Variants in HECW1 observed in about 807,000 individuals in gnomAD.
The protein encoded by HECW1 is HECT, C2 and WW domain containing E3 ubiquitin protein ligase 1, also known as E3 ubiquitin-protein ligase HECW1.
Under a neutral mutation model 182.3 loss-of-function variants are expected in HECW1, and 61 were observed. The observed-to-expected ratio is 0.33, with a 90% confidence interval of 0.27 to 0.41. The LOEUF (loss-of-function observed/expected upper bound fraction) is 0.41. Ranked by LOEUF, HECW1 falls within the 10% of genes least tolerant of loss-of-function variation. HECW1 has a pLI of 1.00. For missense variants in HECW1, 1,739 were observed against 2,108.9 expected (o/e 0.82, Z 3.44); for synonymous variants, 859 against 832.6 (o/e 1.03, Z -0.55).
chr7:43,478,372 C>A (rs139633820), intron 16 of HECW1, among the ~76,000 whole-genome samples: 1 of 152,048 alleles, frequency 6.6e-6, no homozygotes, highest in Non-Finnish European at 1.5e-5. Flanking sequence ...GCTGAGATCG[C>A]GCCACTGCAC....
chr7:43,231,988 C>T (rs1174241298), intron 2 of HECW1, among the ~76,000 whole-genome samples: 1 of 140,516 alleles, frequency 7.1e-6, no homozygotes, highest in East Asian at 2.1e-4. Flanking sequence ...CACCACTGCA[C>T]TCCAGCCTGG....
At chr7:43,540,980 A>G (rs1334382698) in intron 24 of HECW1, among the ~76,000 whole-genome samples, 183 bp from the exon 25 acceptor site, 1 of 152,264 alleles carries the variant, frequency 6.6e-6, no homozygotes, top group Non-Finnish European at 1.5e-5. Context: ...CCTAACAAGC[A>G]CACAGGGATT....
rs1260375928 is a variant in HECW1 at position 43,444,098 on chromosome 7, C to A, written c.1046-120C>A. 2.9e-6 allele frequency: 3 copies of A among 1,024,998 alleles called. No individual in the cohort carries two copies. The highest frequency in any genetic ancestry group is 4.2e-6 in the Non-Finnish European group (3 of 716,014). 63.5% of individuals were successfully genotyped at this position (1,024,998 alleles called of 1,614,324 possible). Reference sequence around the variant, plus strand: ...CTGGCCAGTGAGAAACCCTCATCAACCTACATTCAATATCCTAATGTAGAA... The same window carrying A: ...CTGGCCAGTGAGAAACCCTCATCAAACTACATTCAATATCCTAATGTAGAA... On this transcript the variant is annotated intron_variant, in intron 10 of 29. Transcript: ENST00000395891. This position sits in a 1 kb window ranked among gnomAD's most constrained non-coding sequence, Gnocchi z 4.3.
rs1212143934 is a variant in HECW1, at chr7:43,243,752, T to G, written c.-31-123T>G. On this transcript the variant is annotated intron_variant, in intron 2 of 29. Transcript: ENST00000395891. The surrounding 1 kb of genome is among the most constrained non-coding windows in gnomAD (Gnocchi z 4.0). ...CTTGTGTGATTTTTCCTTTTGCACG[T>G]CGGTTGCCCAGGCCAGGTATCTTGG... is the stretch of plus-strand genomic sequence containing the variant. The G allele has an allele frequency of 1.3e-6, 1 of 750,136 alleles. No homozygotes were observed. Among genetic ancestry groups the G allele is most frequent in the Non-Finnish European group, 2.4e-6 (1 of 410,902 alleles). 46.5% of individuals were successfully genotyped at this position (750,136 alleles called of 1,614,324 possible). A position where few individuals can be genotyped will look rare whatever the true frequency, so the allele number is the denominator to read the frequency against.
At chr7:43,380,476 T>G (rs1286598455) in intron 6 of HECW1, among the ~76,000 whole-genome samples, 1 of 152,166 alleles carries the variant, frequency 6.6e-6, no homozygotes, top group East Asian at 1.9e-4. Flanking sequence ...GATGGACATT[T>G]GGGTTTAGTG....
At chr7:43,248,222 G>C (rs1799634975) in intron 3 of HECW1, among the ~76,000 whole-genome samples, 1 of 152,136 alleles carries the variant, frequency 6.6e-6, no homozygotes, top group Admixed American at 6.5e-5. Context: ...CTGAGGTGGA[G>C]CCCCAGGGCT....
chr7:43,249,951 C>T (rs1239226464), intron 3 of HECW1, among the ~76,000 whole-genome samples: 1 of 152,122 alleles, frequency 6.6e-6, no homozygotes, highest in Non-Finnish European at 1.5e-5. Context: ...CACGGTATGT[C>T]AGCAGATATG....
At chr7:43,498,873 T>C (rs1296748759) in intron 19 of HECW1, among the ~76,000 whole-genome samples, 1 of 152,228 alleles carries the variant, frequency 6.6e-6, no homozygotes, top group African/African-American at 2.4e-5. Context: ...AAATTGACTA[T>C]ATTTTTTGCC....
chr7:43,221,537 G>GTTTTT lies in HECW1; in HGVS notation c.-31-22300_-31-22296dup, dbSNP rs71008897. Among the ~76,000 whole-genome samples, 447 of 50,536 alleles carry GTTTTT rather than the reference G, an allele frequency of 8.8e-3. 141 individuals are homozygous for GTTTTT. Among genetic ancestry groups the GTTTTT allele is most frequent in the East Asian group, 0.022 (27 of 1,238 alleles). The allele number at this position is 50,536 out of a possible 152,430, so 33.2% of individuals were successfully genotyped here. ...CTAAACTAAATGTCAGAGGAATTAG[G>GTTTTT]TTTTTTTTTTTTTTTTTTTTTTTTT... On this transcript the variant is annotated intron_variant, in intron 2 of 29. Coordinates refer to ENST00000395891, the MANE Select transcript of HECW1 (RefSeq NM_015052.5).
intron 24 of HECW1, among the ~76,000 whole-genome samples, chr7:43,520,990 A>T (rs1361225428): frequency 6.6e-6 from 1 of 152,222 alleles, no homozygotes; most frequent in African/African-American, 2.4e-5. Flanking sequence ...GTCCTGAGGC[A>T]GGTGCCACAC....
intron 5 of HECW1, among the ~76,000 whole-genome samples, chr7:43,336,144 T>TTCTCTCTCTCTCTC (rs768468130): frequency 2.1e-3 from 109 of 51,962 alleles, no homozygotes; most frequent in Non-Finnish European, 3.1e-3. Flanking sequence ...CTCTCTCTCT[T>TTCTCTCTCTCTCTC]TCTCTCTCTC....
At chr7:43,290,506 G>C (rs933551587) in intron 3 of HECW1, among the ~76,000 whole-genome samples, 2 of 152,164 alleles carry the variant, frequency 1.3e-5, no homozygotes, top group African/African-American at 4.8e-5. Flanking sequence ...GGTTAGCTGT[G>C]CCTAAACTCC....
chr7:43,508,819 C>T, intron 23 of HECW1, 150 bp from the exon 24 acceptor site: 2 of 706,066 alleles, frequency 2.8e-6, no homozygotes, highest in Non-Finnish European at 4.8e-6. Flanking sequence ...CAAATTGATG[C>T]TGCCATTGGC....
chr7:43,227,869 A>G (rs770330249), intron 2 of HECW1, among the ~76,000 whole-genome samples: 5 of 152,224 alleles, frequency 3.3e-5, no homozygotes, highest in Non-Finnish European at 7.3e-5. Flanking sequence ...ACACAGAAAA[A>G]TCTGATACAT....
chr7:43,296,307 A>G (rs1373215089), intron 3 of HECW1, among the ~76,000 whole-genome samples: 1 of 152,084 alleles, frequency 6.6e-6, no homozygotes, highest in Non-Finnish European at 1.5e-5. Flanking sequence ...AATTTTCTGT[A>G]TTTTTCAAAT....
intron 2 of HECW1, among the ~76,000 whole-genome samples, chr7:43,216,219 C>T (rs888778718): frequency 6.6e-6 from 1 of 152,042 alleles, no homozygotes; most frequent in Admixed American, 6.5e-5. Context: ...AACCTGGGCT[C>T]ACTGCAACCT....
At chr7:43,455,553 G>T (rs1250822938) in intron 12 of HECW1, among the ~76,000 whole-genome samples, 2 of 152,170 alleles carry the variant, frequency 1.3e-5, no homozygotes, top group East Asian at 1.9e-4. Context: ...GTGTCAGCTC[G>T]CACTGGAGGA....
At chr7:43,443,327 C>T (rs556414754) in intron 10 of HECW1, among the ~76,000 whole-genome samples, 1 of 152,166 alleles carries the variant, frequency 6.6e-6, no homozygotes, top group Non-Finnish European at 1.5e-5. Flanking sequence ...TTTTCACTAC[C>T]CACTCATTAA....
At chr7:43,225,893 C>T (rs1285602073) in intron 2 of HECW1, among the ~76,000 whole-genome samples, 1 of 152,046 alleles carries the variant, frequency 6.6e-6, no homozygotes, top group African/African-American at 2.4e-5. Flanking sequence ...GCCTCAGCCT[C>T]CTGAGTAGCT....
Sources: gnomAD v4.1 joint callset for allele counts (sites outside exome capture counted in the v4.1 genomes callset) on GRCh38, gnomAD v4.1.1 for gene constraint, Gnocchi (gnomAD v3.1) non-coding constraint, MANE v1.5 for transcripts, NCBI Gene and HGNC (gene_info 2026-07-23, HGNC 2026-07-21) for gene names.